Variants in KL observed in about 807,000 individuals in gnomAD.
The protein encoded by KL is alpha-klotho.
A neutral mutation model predicts 84.2 loss-of-function variants in KL; 62 were observed. The observed-to-expected ratio is 0.74, with a 90% CI of 0.60 to 0.91. KL has a LOEUF of 0.91. KL is among the 40% of genes least tolerant of loss of function. KL has a pLI of 0.00. For synonymous variants in KL, 528 were observed against 528.0 expected (o/e 1.00, Z 0.00); for missense variants, 1,261 against 1,305.7 (o/e 0.97, Z 0.53).
At chr13:33,026,046 A>G (rs1400305760) in intron 1 of KL, among the ~76,000 whole-genome samples, 1 of 152,238 alleles carries the variant, frequency 6.6e-6, no homozygotes. Flanking sequence ...CTAATTGGTT[A>G]TTAAAATGTT....
rs1189701761 is a variant in KL, at chr13:33,064,146, T to C, written c.2999T>C (p.Ile1000Thr). 6.2e-7 allele frequency: 1 copy of C among 1,612,148 alleles called. No homozygotes were observed. Among genetic ancestry groups the C allele is most frequent in the Admixed American group, 1.7e-5 (1 of 59,872 alleles). ...FFASIISLSL[I>T]FYYSKKGRRS... is the part of the protein sequence containing the mutation. ...GCTTCTATTATTTCTCTCTCCCTTATATTTTACTACTCGAAGAAAGGCAGA... is the reference window on the plus strand; with the variant it reads ...GCTTCTATTATTTCTCTCTCCCTTACATTTTACTACTCGAAGAAAGGCAGA... Residue 1000 changes from isoleucine (I) to threonine (T), a missense_variant, in exon 5 of 5, where the codon ATA becomes ACA. Transcript: ENST00000380099.
At chr13:33,020,361 T>C (rs905795363) in intron 1 of KL, among the ~76,000 whole-genome samples, 3 of 152,144 alleles carry the variant, frequency 2.0e-5, no homozygotes, top group Non-Finnish European at 4.4e-5. Flanking sequence ...TTGTTCCTCC[T>C]CACCTTGCCT....
intron 1 of KL, among the ~76,000 whole-genome samples, chr13:33,029,839 T>C (rs1870910013): frequency 6.6e-6 from 1 of 152,148 alleles, no homozygotes; most frequent in African/African-American, 2.4e-5. Flanking sequence ...TTCACCGTGT[T>C]AGTCGGGATG....
At chr13:33,051,290 TTGGGAGGCTGAGG>T (rs1202805063) in intron 1 of KL, among the ~76,000 whole-genome samples, 2 of 152,074 alleles carry the variant, frequency 1.3e-5, no homozygotes, top group East Asian at 1.9e-4. Flanking sequence ...TCTCAGCACT[TTGGGAGGCTGAGG>T]TGGGAGGCTG....
chr13:33,046,744 T>TC (rs1871543103), intron 1 of KL, among the ~76,000 whole-genome samples: 1 of 98,402 alleles, frequency 1.0e-5, no homozygotes, highest in African/African-American at 3.0e-5. Context: ...TTGAGATATA[T>TC]CTTGTTTTTT....
chr13:33,035,362 A>G (rs1226657805), intron 1 of KL, among the ~76,000 whole-genome samples: 1 of 152,226 alleles, frequency 6.6e-6, no homozygotes, highest in African/African-American at 2.4e-5. Flanking sequence ...TTAGATAAGG[A>G]GGCAGAAGTA....
At position 33,064,389 on chromosome 13, in the gene KL, G is replaced by A. The variant is rs763269257; in HGVS notation, c.*203G>A. On this transcript the variant is annotated 3_prime_UTR_variant, in exon 5 of 5. Coordinates refer to ENST00000380099, the MANE Select transcript of KL (RefSeq NM_004795.4). ...AATAATGCGAATAGTGCCTGAATTT[G>A]TTCTCTTTTTGGGTGATTAAAAAAC... 9.9e-6 allele frequency: 5 copies of A among 505,394 alleles called. No homozygotes were observed. Among genetic ancestry groups the A allele is most frequent in the Non-Finnish European group, 1.8e-5 (5 of 284,388 alleles). 31.3% of individuals were successfully genotyped at this position (505,394 alleles called of 1,614,324 possible).
At chr13:33,057,659 A>T (rs1225419010) in intron 3 of KL, among the ~76,000 whole-genome samples, 3 of 151,962 alleles carry the variant, frequency 2.0e-5, no homozygotes, top group Non-Finnish European at 4.4e-5. Flanking sequence ...AGTCACTCTC[A>T]AACCCACAGC....
chr13:33,025,922 A>G (rs1391893412), intron 1 of KL, among the ~76,000 whole-genome samples: 4 of 152,180 alleles, frequency 2.6e-5, no homozygotes, highest in Non-Finnish European at 5.9e-5. Flanking sequence ...TCCAATGTGC[A>G]AAGATAAGAG....
At chr13:33,018,685 G>T (rs1870461036) in intron 1 of KL, among the ~76,000 whole-genome samples, 1 of 152,210 alleles carries the variant, frequency 6.6e-6, no homozygotes, top group Non-Finnish European at 1.5e-5. Context: ...ACTATGGGAA[G>T]AATGGTCTCA....
chr13:33,023,697 T>A (rs923368878), intron 1 of KL, among the ~76,000 whole-genome samples: 19 of 149,106 alleles, frequency 1.3e-4, no homozygotes, highest in Admixed American at 1.1e-3. Flanking sequence ...TAGATTTTTT[T>A]ATTAACATTT....
chr13:33,024,752 A>C (rs556256769), intron 1 of KL, among the ~76,000 whole-genome samples: 3 of 152,208 alleles, frequency 2.0e-5, no homozygotes, highest in Admixed American at 2.0e-4. Context: ...CGGTGTCCCA[A>C]GTTCTTCCAT....
intron 4 of KL, among the ~76,000 whole-genome samples, chr13:33,062,772 T>C (rs1419039830): frequency 6.6e-6 from 1 of 151,882 alleles, no homozygotes; most frequent in East Asian, 1.9e-4. Flanking sequence ...GTTTGTTCTC[T>C]CTGTGTAGTA....
chr13:33,051,694 A>T (rs1174049302), intron 1 of KL, among the ~76,000 whole-genome samples: 1 of 152,200 alleles, frequency 6.6e-6, no homozygotes, highest in Non-Finnish European at 1.5e-5. Context: ...GTCTATAATT[A>T]TAAAAAATTC....
chr13:33,061,306 C>T lies in KL; in HGVS notation c.2227C>T (p.Gln743Ter). ...GATAGAACCTGCCTGCCCTTTCTCC[C>T]AAAAGGACAAAGAGGTGGCTGAGAG... ...DWIEPACPFS[Q>*]KDKEVAERVL... Residue 743 changes from glutamine (Q) to a stop codon, truncating the protein, a stop_gained, in exon 4 of 5, where the codon CAA becomes TAA. Transcript: ENST00000380099. LOFTEE classifies it high-confidence loss of function. 6.2e-7 allele frequency: 1 copy of T among 1,614,202 alleles called. No individual in the cohort carries two copies.
At chr13:33,038,284 A>G (rs1255313999) in intron 1 of KL, among the ~76,000 whole-genome samples, 3 of 152,218 alleles carry the variant, frequency 2.0e-5, no homozygotes, top group Admixed American at 6.5e-5. Context: ...AATTAGGTTG[A>G]TATCATCATT....
chr13:33,025,331 T>C (rs1870730712), intron 1 of KL, among the ~76,000 whole-genome samples: 1 of 152,204 alleles, frequency 6.6e-6, no homozygotes, highest in African/African-American at 2.4e-5. Flanking sequence ...GTTGCAACTA[T>C]TACACAGTTC....
At chr13:33,045,722 G>A (rs1259004130) in intron 1 of KL, among the ~76,000 whole-genome samples, 6 of 152,134 alleles carry the variant, frequency 3.9e-5, no homozygotes, top group East Asian at 1.9e-4. Context: ...CAGATGATCC[G>A]CCCGCCTCGG....
At chr13:33,060,478 TG>T (rs1301068626) in intron 3 of KL, among the ~76,000 whole-genome samples, 200 bp from the exon 4 acceptor site, 2 of 152,234 alleles carry the variant, frequency 1.3e-5, no homozygotes, top group African/African-American at 4.8e-5. Context: ...GTTAGAACTA[TG>T]GGTAAAGCGA....
Sources: allele counts gnomAD v4.1 joint callset (sites outside exome capture counted in the v4.1 genomes callset), GRCh38; gene constraint gnomAD v4.1.1; transcripts MANE v1.5; gene names NCBI Gene and HGNC (gene_info 2026-07-23, HGNC 2026-07-21).